Variants in ITGB5 observed in about 807,000 individuals in gnomAD.
ITGB5 encodes the protein integrin subunit beta 5.
Under a neutral mutation model 84.8 loss-of-function variants are expected in ITGB5, and 38 were observed. That is an observed-to-expected ratio of 0.45 (90% CI 0.35 to 0.59). The LOEUF (loss-of-function observed/expected upper bound fraction) is 0.59. ITGB5 is among the 20% of genes least tolerant of loss of function. The pLI is 0.01. For missense variants in ITGB5, 905 were observed against 1,034.5 expected (o/e 0.87, Z 1.72); for synonymous variants, 393 against 414.4 (o/e 0.95, Z 0.63).
At chr3:124,840,850 G>C (rs1253807344) in intron 5 of ITGB5, among the ~76,000 whole-genome samples, 1 of 152,002 alleles carries the variant, frequency 6.6e-6, no homozygotes, top group Non-Finnish European at 1.5e-5. Context: ...ATTTTCAGTA[G>C]AGACAGGGTT....
chr3:124,773,344 ACAAT>A (rs531368081), intron 11 of ITGB5, among the ~76,000 whole-genome samples: 30 of 152,266 alleles, frequency 2.0e-4, no homozygotes, highest in Non-Finnish European at 4.0e-4. Context: ...GTGAAAGCAC[ACAAT>A]AGTACACTCA....
chr3:124,848,643 T>C (rs2107603884), intron 3 of ITGB5, 85 bp from the exon 4 acceptor site: 1 of 1,444,974 alleles, frequency 6.9e-7, no homozygotes, highest in Non-Finnish European at 9.3e-7. Flanking sequence ...AAAGCTAGTT[T>C]GCCTCTTACT....
chr3:124,842,767 G>A (rs538530173), intron 4 of ITGB5, among the ~76,000 whole-genome samples: 14 of 152,312 alleles, frequency 9.2e-5, no homozygotes, highest in African/African-American at 2.4e-4. Flanking sequence ...ACAGCTAGGA[G>A]GACCCTGCCT....
chr3:124,898,824 C>CCAG (rs1393471428), intron 1 of ITGB5, among the ~76,000 whole-genome samples: 1 of 148,572 alleles, frequency 6.7e-6, no homozygotes, highest in Non-Finnish European at 1.5e-5. Context: ...ACCTGTAATC[C>CCAG]CAGTACTTTG....
chr3:124,845,643 G>A (rs1319349369), intron 4 of ITGB5, among the ~76,000 whole-genome samples: 2 of 152,162 alleles, frequency 1.3e-5, no homozygotes, highest in Non-Finnish European at 2.9e-5. Context: ...GTAATGATGT[G>A]TCATAACTTT....
chr3:124,867,599 C>T (rs888279497), intron 2 of ITGB5, among the ~76,000 whole-genome samples: 12 of 152,216 alleles, frequency 7.9e-5, no homozygotes, highest in Non-Finnish European at 1.3e-4. Flanking sequence ...TTCTCCCTTT[C>T]TTCTGGGGCA....
chr3:124,893,759 T>C (rs906218980), intron 1 of ITGB5, among the ~76,000 whole-genome samples: 1 of 152,186 alleles, frequency 6.6e-6, no homozygotes, highest in South Asian at 2.1e-4. Context: ...AGCATGTGCA[T>C]AGTGGTCATT....
intron 5 of ITGB5, among the ~76,000 whole-genome samples, chr3:124,837,955 T>C (rs1443151392): frequency 2.0e-5 from 3 of 152,220 alleles, no homozygotes; most frequent in African/African-American, 7.2e-5. Flanking sequence ...CTTCTCCCTC[T>C]GTTCCACTGT....
intron 1 of ITGB5, among the ~76,000 whole-genome samples, chr3:124,883,500 A>G (rs773536010): frequency 6.6e-6 from 1 of 152,200 alleles, no homozygotes; most frequent in African/African-American, 2.4e-5. Context: ...TTGTCCTGTC[A>G]GCTCTAAACC....
In ITGB5 at chr3:124,763,354, T is replaced by G; in HGVS notation, c.*269A>C. 3.3e-6 allele frequency: 1 copy of G among 304,730 alleles called. No individual in the cohort carries two copies. 18.9% of individuals were successfully genotyped at this position (304,730 alleles called of 1,614,324 possible). A position where few individuals can be genotyped will look rare whatever the true frequency, so the allele number is the denominator to read the frequency against. Reference sequence around the variant, plus strand: ...TATTTCATTGGGACAACAAGCTGGATGTGGCAGGGAAAGCTGAGAGCGCCA... The same window carrying G: ...TATTTCATTGGGACAACAAGCTGGAGGTGGCAGGGAAAGCTGAGAGCGCCA... On this transcript the variant is annotated 3_prime_UTR_variant, in exon 15 of 15. Coordinates refer to ENST00000296181, the MANE Select transcript of ITGB5 (RefSeq NM_002213.5).
intron 13 of ITGB5, among the ~76,000 whole-genome samples, chr3:124,765,689 C>T (rs2063756192): frequency 6.7e-6 from 1 of 149,238 alleles, no homozygotes; most frequent in South Asian, 2.1e-4. Context: ...CAAGAATGGG[C>T]CCCCAGCTGC....
intron 8 of ITGB5, among the ~76,000 whole-genome samples, chr3:124,815,071 T>C (rs1401564119): frequency 1.3e-5 from 2 of 152,112 alleles, no homozygotes; most frequent in South Asian, 2.1e-4. Flanking sequence ...ACTAGGAAAA[T>C]GAATGTAGAT....
At chr3:124,874,346 T>G (rs1221275153) in intron 1 of ITGB5, among the ~76,000 whole-genome samples, 2 of 147,818 alleles carry the variant, frequency 1.4e-5, no homozygotes, top group East Asian at 3.9e-4. Flanking sequence ...AAAAAGAAAC[T>G]GAAGAATATC....
intron 1 of ITGB5, among the ~76,000 whole-genome samples, chr3:124,883,300 T>C (rs1372275685): frequency 2.0e-5 from 3 of 152,196 alleles, no homozygotes; most frequent in Non-Finnish European, 2.9e-5. Context: ...TAATTCCCCG[T>C]TGCCTCAGTA....
Position 124,793,423 on chromosome 3 carries a change from T to C in ITGB5, c.1693+2965A>G, listed in dbSNP as rs552962091. Among the ~76,000 whole-genome samples, 136 of 152,350 alleles carry C rather than the reference T, an allele frequency of 8.9e-4. 2 individuals are homozygous for C. Among genetic ancestry groups the C allele is most frequent in the Admixed American group, 5.1e-3 (78 of 15,302 alleles). ...CTTTTATTATGGCTACTAAGAGGAA[T>C]GGAAACTCCATTCCACCACCCTGGA... On this transcript the variant is annotated intron_variant, in intron 10 of 14. Transcript: ENST00000296181.
chr3:124,766,382 C>T, intron 12 of ITGB5, 37 bp from the exon 13 acceptor site: 1 of 1,610,620 alleles, frequency 6.2e-7, no homozygotes, highest in Non-Finnish European at 8.5e-7. Context: ...CTGAGTCTCT[C>T]TGAGCAGCCC....
At chr3:124,884,603 T>A (rs776676541) in intron 1 of ITGB5, among the ~76,000 whole-genome samples, 14 of 151,414 alleles carry the variant, frequency 9.2e-5, no homozygotes, top group Admixed American at 5.9e-4. Context: ...AGCAGGACAA[T>A]CACTTGAACC....
At chr3:124,872,820 T>C (rs1052621326) in intron 2 of ITGB5, among the ~76,000 whole-genome samples, 3 of 152,154 alleles carry the variant, frequency 2.0e-5, no homozygotes, top group African/African-American at 7.2e-5. Context: ...TTGTCTAGGC[T>C]GGACTCAAAC....
At chr3:124,784,037 C>T (rs535784839) in intron 10 of ITGB5, among the ~76,000 whole-genome samples, 26 of 152,204 alleles carry the variant, frequency 1.7e-4, no homozygotes, top group South Asian at 4.2e-4. Flanking sequence ...ATCTGAGTAG[C>T]AAAATACCAC....
Sources: allele counts gnomAD v4.1 joint callset (sites outside exome capture counted in the v4.1 genomes callset), GRCh38; gene constraint gnomAD v4.1.1; transcripts MANE v1.5; gene names NCBI Gene and HGNC (gene_info 2026-07-23, HGNC 2026-07-21).